GATA3: variants seen among roughly 807,000 people sequenced by gnomAD.
The protein encoded by GATA3 is trans-acting T-cell-specific transcription factor GATA-3.
A neutral mutation model predicts 36.0 loss-of-function variants in GATA3; 6 were observed. The observed-to-expected ratio is 0.17, with a 90% confidence interval of 0.09 to 0.33. The LOEUF is 0.33. Ranked by LOEUF, GATA3 falls within the 10% of genes least tolerant of loss-of-function variation. The probability of loss-of-function intolerance (pLI) is 1.00; values close to 1 mark genes in which losing one functional copy is unlikely to be tolerated. For synonymous variants in GATA3, 326 were observed against 273.0 expected (o/e 1.19, Z -1.92); for missense variants, 514 against 610.1 (o/e 0.84, Z 1.66).
In GATA3 at chr10:8,073,870, G is replaced by A. The variant is rs767895748; in HGVS notation, c.1182G>A (p.Pro394=). ...EDFPKNSSFN[P]AALSRHMSSL... ...TCCCCAAGAACAGCTCGTTTAACCC[G>A]GCCGCCCTCTCCAGACACATGTCCT... Residue 394 remains proline, a synonymous_variant, in exon 6 of 6, where the codon CCG becomes CCA. Coordinates refer to ENST00000379328, the MANE Select transcript of GATA3 (RefSeq NM_001002295.2). 2.4e-5 allele frequency: 38 copies of A among 1,613,894 alleles called. No homozygotes were observed. The Admixed American group carries it at 3.2e-4, about 13-fold the overall frequency.
intron 3 of GATA3, among the ~76,000 whole-genome samples, chr10:8,061,646 A>C (rs918872171): frequency 5.3e-5 from 8 of 152,262 alleles, no homozygotes; most frequent in Non-Finnish European, 1.0e-4. Flanking sequence ...GGCAATGGCA[A>C]CCTTGCCGAG....
rs1268951338 is a variant in GATA3, at chr10:8,058,446, G to A, written c.383G>A (p.Gly128Glu). ...ACGTCCATCCACCACGGCTCCCCGG[G>A]GCCCCTCTCCGTCTACCCCCCGGCC... ...SKTSIHHGSP[G>E]PLSVYPPASS... Residue 128 changes from glycine to glutamate, a missense_variant, in exon 3 of 6, where the codon GGG (glycine) becomes GAG (glutamate). Coordinates refer to ENST00000379328, the MANE Select transcript of GATA3 (RefSeq NM_001002295.2). 6.2e-7 allele frequency: 1 copy of A among 1,612,840 alleles called. No homozygotes were observed. The highest frequency in any genetic ancestry group is 8.5e-7 in the Non-Finnish European group (1 of 1,179,894).
At chr10:8,046,460 T>C (rs991398930) in intron 1 of GATA3, among the ~76,000 whole-genome samples, 5 of 152,104 alleles carry the variant, frequency 3.3e-5, no homozygotes, top group Admixed American at 3.3e-4. Context: ...GATGCTGGGG[T>C]CGCAGATGGG....
At chr10:8,060,193 T>C (rs1226189258) in intron 3 of GATA3, among the ~76,000 whole-genome samples, 1 of 152,272 alleles carries the variant, frequency 6.6e-6, no homozygotes, top group Non-Finnish European at 1.5e-5. Context: ...ATTTTCAGAC[T>C]GCTGCACGCG....
At chr10:8,072,637 G>A (rs917279158) in intron 5 of GATA3, among the ~76,000 whole-genome samples, 3 of 152,218 alleles carry the variant, frequency 2.0e-5, no homozygotes, top group Non-Finnish European at 4.4e-5. Flanking sequence ...TCTTGATCTT[G>A]AGAGTAGGGT....
chr10:8,052,511 T>G (rs1832522866), upstream of GATA3: 1 of 152,114 alleles, frequency 6.6e-6, no homozygotes, highest in Non-Finnish European at 1.5e-5. Flanking sequence ...GGCTCTGAGG[T>G]CTCCGCGCGC....
rs150441119 is a variant in GATA3, at chr10:8,067,813, G to A, written c.925-1660G>A. Among the ~76,000 whole-genome samples, 682 of 149,992 alleles carry A rather than the reference G, an allele frequency of 4.5e-3. 4 individuals carry two copies. Among genetic ancestry groups the A allele is most frequent in the Non-Finnish European group, 7.5e-3 (510 of 67,748 alleles). ...AGCCTGGGCGACAGAGCGAGACTCC[G>A]TCTCAGAAACAAAAGAAAACATAAC... On this transcript the variant is annotated intron_variant, in intron 4 of 5. Coordinates refer to ENST00000379328, the MANE Select transcript of GATA3 (RefSeq NM_001002295.2).
intron 3 of GATA3, 34 bp downstream of exon 3, chr10:8,058,875 C>T (rs1832700778): frequency 4.4e-6 from 7 of 1,589,230 alleles, no homozygotes; most frequent in Non-Finnish European, 6.0e-6. Context: ...GCCTTTTCTC[C>T]TCCCTCCTCC....
chr10:8,051,219 G>A (rs1460029946), upstream of GATA3: 2 of 430,736 alleles, frequency 4.6e-6, no homozygotes, highest in African/African-American at 2.1e-5. Flanking sequence ...AACCCCTACC[G>A]AGTGGAGAAA....
chr10:8,055,997 G>A lies in GATA3; in HGVS notation c.241+101G>A, dbSNP rs985499670. The A allele has an allele frequency of 2.8e-6, 4 of 1,442,296 alleles. No homozygotes were observed. Among genetic ancestry groups the A allele is most frequent in the Non-Finnish European group, 3.8e-6 (4 of 1,053,424 alleles). 89.3% of individuals were successfully genotyped at this position (1,442,296 alleles called of 1,614,324 possible). On this transcript the variant is annotated intron_variant, in intron 2 of 5. Coordinates refer to ENST00000379328, the MANE Select transcript of GATA3 (RefSeq NM_001002295.2). This position sits in a 1 kb window ranked among gnomAD's most constrained non-coding sequence, Gnocchi z 5.4. ...GAGGGCGGGGAGAGGTCAAGCGAAA[G>A]CCCCCATCTGCCGTTCCTGGTTCAT...
intron 4 of GATA3, 138 bp from the exon 5 acceptor site, chr10:8,069,335 A>G: frequency 1.1e-6 from 1 of 883,146 alleles, no homozygotes. Flanking sequence ...TATTACTTTC[A>G]TGTGGACCAC....
chr10:8,053,590 CCGCCCCTCT>C (rs1832554774), upstream of GATA3: 1 of 152,224 alleles, frequency 6.6e-6, no homozygotes, highest in South Asian at 2.1e-4. The surrounding 1 kb of genome is among the most constrained non-coding windows in gnomAD (Gnocchi z 5.1). Context: ...CCCGCTCGCC[CCGCCCCTCT>C]CGCTGGGGCG....
rs1832607266 is a variant in GATA3, at chr10:8,055,282, T to G, written c.-369-5T>G. Reference sequence around the variant, plus strand: ...CATCCAGGTCTCCCATTCTCTCCCTTGCAGGTGACCCGAGGAGGGACTCCG... The same window carrying G: ...CATCCAGGTCTCCCATTCTCTCCCTGGCAGGTGACCCGAGGAGGGACTCCG... On this transcript the variant is annotated splice_polypyrimidine_tract_variant and splice_region_variant and intron_variant, in intron 1 of 5. Transcript: ENST00000379328. This position sits in a 1 kb window ranked among gnomAD's most constrained non-coding sequence, Gnocchi z 5.4. 2.5e-6 allele frequency: 1 copy of G among 405,116 alleles called. No individual in the cohort carries two copies. Among genetic ancestry groups the G allele is most frequent in the South Asian group, 2.6e-5 (1 of 39,038 alleles). 25.1% of individuals were successfully genotyped at this position (405,116 alleles called of 1,614,324 possible). A position where few individuals can be genotyped will look rare whatever the true frequency, so the allele number is the denominator to read the frequency against.
intron 4 of GATA3, among the ~76,000 whole-genome samples, chr10:8,068,275 A>G (rs541709330): frequency 6.6e-6 from 1 of 152,340 alleles, no homozygotes; most frequent in East Asian, 1.9e-4. Flanking sequence ...TACTCCATGA[A>G]CAGCAAGTAG....
Position 8,060,534 on chromosome 10 carries a change from T to TC in GATA3, c.778+1694dup, listed in dbSNP as rs548341226. 5.6e-3 allele frequency among the ~76,000 whole-genome samples: 325 copies of TC among 57,724 alleles called. 3 individuals are homozygous for TC. Among genetic ancestry groups the TC allele is most frequent in the African/African-American group, 0.013 (317 of 25,182 alleles). The allele number at this position is 57,724 out of a possible 152,430, so 37.9% of individuals were successfully genotyped here. A position where few individuals can be genotyped will look rare whatever the true frequency, so the allele number is the denominator to read the frequency against. ...GTTGTGATGGGATTTCTTTTCTTTTTCTTTTTTTTTTAAAGTTCTCTTTTC... is the reference window on the plus strand; with the variant it reads ...GTTGTGATGGGATTTCTTTTCTTTTTCCTTTTTTTTTTAAAGTTCTCTTTTC... On this transcript the variant is annotated intron_variant, in intron 3 of 5. Transcript: ENST00000379328.
chr10:8,071,369 G>A (rs953491117), intron 5 of GATA3, among the ~76,000 whole-genome samples: 2 of 152,102 alleles, frequency 1.3e-5, no homozygotes, highest in African/African-American at 4.8e-5. Context: ...GTAACAAATT[G>A]TGTGTGTGTA....
At chr10:8,050,535 C>T (rs536427340), upstream of GATA3, 124 of 160,992 alleles carry the variant, frequency 7.7e-4, 1 homozygote, top group Admixed American at 2.2e-3. Flanking sequence ...CTCCCCCAGG[C>T]CCAGCTCGCC....
At chr10:8,069,149 C>A (rs753044787) in intron 4 of GATA3, among the ~76,000 whole-genome samples, 2 of 152,122 alleles carry the variant, frequency 1.3e-5, no homozygotes, top group Non-Finnish European at 2.9e-5. Context: ...TAAAAATTAA[C>A]CCTCTGGTGT....
At chr10:8,064,960 T>C (rs551560903) in intron 4 of GATA3, among the ~76,000 whole-genome samples, 12 of 152,250 alleles carry the variant, frequency 7.9e-5, no homozygotes, top group African/African-American at 2.9e-4. Context: ...GGGACATTCA[T>C]TTGCAAGCTC....
Sources: allele counts gnomAD v4.1 joint callset (sites outside exome capture counted in the v4.1 genomes callset), GRCh38; gene constraint gnomAD v4.1.1; non-coding constraint Gnocchi (gnomAD v3.1); transcripts MANE v1.5; gene names NCBI Gene and HGNC (gene_info 2026-07-23, HGNC 2026-07-21).